The following TENM1 variants were observed in gnomAD, a reference collection of about 807,000 sequenced individuals.
TENM1 encodes the protein teneurin-1.
A neutral mutation model predicts 174.8 loss-of-function variants in TENM1; 35 were observed. The ratio of observed to expected loss-of-function variants is 0.20; its 90% confidence interval spans 0.15 to 0.27. The LOEUF (loss-of-function observed/expected upper bound fraction) is 0.27. Among genes scored for constraint, TENM1 ranks in the 10% least tolerant of loss-of-function variants. TENM1 has a pLI of 1.00. For synonymous variants in TENM1, 781 were observed against 798.7 expected (o/e 0.98, Z 0.37); for missense variants, 1,633 against 2,130.1 (o/e 0.77, Z 4.59).
intron 1 of TENM1, among the ~76,000 whole-genome samples, chrX:124,900,175 C>T (rs1331924687): frequency 8.9e-6 from 1 of 112,047 alleles, no homozygotes; most frequent in African/African-American, 3.2e-5. Context: ...GATAATCCAC[C>T]TGTGGTATAT....
intron 23 of TENM1, among the ~76,000 whole-genome samples, chrX:124,450,187 G>A (rs1355517207): frequency 1.8e-5 from 2 of 109,988 alleles, no homozygotes; most frequent in East Asian, 2.9e-4. Flanking sequence ...GTGAAACCCC[G>A]TCTCTACTAA....
chrX:124,586,920 A>G (rs2148237304), intron 11 of TENM1, among the ~76,000 whole-genome samples: 1 of 110,505 alleles, frequency 9.0e-6, no homozygotes, highest in African/African-American at 3.3e-5. Context: ...CCAAATCATG[A>G]GTGAACTCCC....
In TENM1 at chrX:124,664,542, A is replaced by G. The variant is rs1005532134; in HGVS notation, c.1168+7141T>C. ...TCAGATAAAGCAAAAGAAAAAAAAA[A>G]AAAAAAAAAAAAAAGCAAAACACAC... is the stretch of plus-strand genomic sequence containing the variant. On this transcript the variant is annotated intron_variant, in intron 6 of 31. Coordinates refer to ENST00000422452, the Ensembl canonical transcript of TENM1. Among the ~76,000 whole-genome samples, 131 of 101,174 alleles carry G rather than the reference A, an allele frequency of 1.3e-3. 1 individual carries two copies. Among genetic ancestry groups the G allele is most frequent in the African/African-American group, 4.0e-3 (118 of 29,186 alleles). The allele number at this position is 101,174 out of a possible 115,157, so 87.9% of individuals were successfully genotyped here. A position where few individuals can be genotyped will look rare whatever the true frequency, so the allele number is the denominator to read the frequency against.
At chrX:125,060,083 C>G in the TENM1 span, among the ~76,000 whole-genome samples, 4,100 of 108,612 alleles carry the variant, frequency 0.038, 87 homozygotes, top group Middle Eastern at 0.074. Flanking sequence ...CTGCTGGTTT[C>G]CAAGCCCCAT....
At chrX:124,822,741 G>A (rs925064975) in intron 3 of TENM1, among the ~76,000 whole-genome samples, 3 of 111,787 alleles carry the variant, frequency 2.7e-5, no homozygotes, top group Non-Finnish European at 3.8e-5. Context: ...TTGACCGAGC[G>A]AAGGACTGGG....
intron 8 of TENM1, among the ~76,000 whole-genome samples, chrX:124,647,702 C>T (rs1279523660): frequency 5.6e-5 from 6 of 107,313 alleles, no homozygotes; most frequent in Admixed American, 9.9e-5. Flanking sequence ...GGTACCTATG[C>T]TTTATTCTCG....
intron 3 of TENM1, among the ~76,000 whole-genome samples, chrX:124,855,700 C>A (rs775585261): frequency 9.0e-6 from 1 of 111,350 alleles, no homozygotes; most frequent in African/African-American, 3.2e-5. Flanking sequence ...AGGAAAGAAG[C>A]AAAGTTGAAG....
chrX:124,469,591 C>T (rs1001330050), intron 22 of TENM1, among the ~76,000 whole-genome samples: 8 of 111,475 alleles, frequency 7.2e-5, no homozygotes, highest in Non-Finnish European at 1.3e-4. Flanking sequence ...AAAAAGTCTG[C>T]CCACCTGCCT....
chrX:124,473,016 G>C (rs973930162), intron 22 of TENM1, among the ~76,000 whole-genome samples: 3 of 111,701 alleles, frequency 2.7e-5, no homozygotes, highest in Non-Finnish European at 5.6e-5. Flanking sequence ...AACTTCTGAA[G>C]AATCTGTACA....
intron 11 of TENM1, among the ~76,000 whole-genome samples, chrX:124,597,161 C>A (rs773741185): frequency 3.6e-5 from 4 of 111,478 alleles, no homozygotes; most frequent in Non-Finnish European, 7.5e-5. Flanking sequence ...ATCCAGCAAT[C>A]CCACTCCTGG....
chrX:124,934,517 C>G (rs1230901911), intron 1 of TENM1, among the ~76,000 whole-genome samples: 1 of 111,614 alleles, frequency 9.0e-6, no homozygotes. Context: ...ATTTCAGGGA[C>G]AGAAGGGAAA....
At chrX:124,599,450 A>C (rs1365829310) in intron 11 of TENM1, among the ~76,000 whole-genome samples, 1 of 111,246 alleles carries the variant, frequency 9.0e-6, no homozygotes, top group Non-Finnish European at 1.9e-5. Flanking sequence ...GTCACCAGTA[A>C]AAATGGTCAT....
At chrX:124,516,842 T>A (rs1343257730) in intron 18 of TENM1, among the ~76,000 whole-genome samples, 2 of 111,739 alleles carry the variant, frequency 1.8e-5, no homozygotes, top group African/African-American at 3.2e-5. Context: ...TAAAGACATA[T>A]GTACACAAAT....
the TENM1 span, among the ~76,000 whole-genome samples, chrX:125,156,658 A>C: frequency 1.8e-5 from 2 of 111,945 alleles, no homozygotes; most frequent in East Asian, 5.6e-4. Context: ...CCAGTCCATC[A>C]TGGATGGACA....
intron 1 of TENM1, among the ~76,000 whole-genome samples, chrX:124,919,461 G>C (rs998507419): frequency 6.3e-5 from 7 of 111,900 alleles, no homozygotes; most frequent in African/African-American, 1.9e-4. Flanking sequence ...AACACAATAT[G>C]ATTATATTTA....
At position 124,592,981 on chromosome X, in the gene TENM1, T is replaced by C. The variant is rs189852309; in HGVS notation, c.2078-27421A>G. Among the ~76,000 whole-genome samples the C allele has an allele frequency of 2.3e-4, 26 of 111,150 alleles. No individual in the cohort carries two copies. The East Asian group carries it at 6.5e-3, about 28-fold the overall frequency. On this transcript the variant is annotated intron_variant, in intron 11 of 31. Coordinates refer to ENST00000422452, the Ensembl canonical transcript of TENM1. ...CTAATGTGGCTGCATATATATTTCA[T>C]CCTTGTTTACTGGTAGAAACTCTCT...
chrX:124,456,490 A>G (rs1226627839), intron 22 of TENM1, among the ~76,000 whole-genome samples: 1 of 111,964 alleles, frequency 8.9e-6, no homozygotes, highest in Non-Finnish European at 1.9e-5. Context: ...TTGCTGGTGA[A>G]GCTTAAGGGG....
chrX:124,895,969 G>T lies in TENM1; in HGVS notation c.478+12C>A. 1 of 1,208,677 alleles carries T rather than the reference G, an allele frequency of 8.3e-7. No individual in the cohort carries two copies. Among genetic ancestry groups the T allele is most frequent in the South Asian group, 1.8e-5 (1 of 56,589 alleles). On this transcript the variant is annotated intron_variant, in intron 2 of 31. Coordinates refer to ENST00000422452, the Ensembl canonical transcript of TENM1. ...TCTGTGTTTTACTTAAACAATTCAA[G>T]TAGTTTATTACCATTTTCCCCATCA...
intron 25 of TENM1, among the ~76,000 whole-genome samples, chrX:124,417,852 C>T (rs1295932560): frequency 9.0e-6 from 1 of 111,706 alleles, no homozygotes; most frequent in Non-Finnish European, 1.9e-5. Context: ...AGGCCAAAAC[C>T]TTTGAAGGTA....
Sources: allele counts gnomAD v4.1 joint callset (sites outside exome capture counted in the v4.1 genomes callset), GRCh38; gene constraint gnomAD v4.1.1; transcripts MANE v1.5; gene names NCBI Gene and HGNC (gene_info 2026-07-23, HGNC 2026-07-21).